The following COP1 variants were observed in gnomAD, a reference collection of about 807,000 sequenced individuals.
COP1 encodes the protein COP1 E3 ubiquitin ligase.
In COP1, 24 loss-of-function variants were observed where a neutral mutation model predicts 101.3. The observed-to-expected ratio is 0.24, with a 90% CI of 0.17 to 0.33. The LOEUF (loss-of-function observed/expected upper bound fraction) is 0.33. Ranked by LOEUF, COP1 falls within the 10% of genes least tolerant of loss-of-function variation. The pLI is 1.00. For missense variants in COP1, 663 were observed against 906.2 expected, an observed-to-expected ratio of 0.73 and a Z score of 3.45; for synonymous variants, 347 against 341.9, an observed-to-expected ratio of 1.01 and a Z score of -0.17.
chr1:176,054,199 AC>A (rs748825814), intron 11 of COP1, among the ~76,000 whole-genome samples: 111 of 146,048 alleles, frequency 7.6e-4, no homozygotes, highest in Non-Finnish European at 1.0e-3. Context: ...TCACTCTGTC[AC>A]CCAGGCTGGG....
In COP1 at chr1:176,046,174, TA is replaced by T; in HGVS notation, c.1421+6del. ...ACTGCATCATGTCAAGAAAATAATG[TA>T]AATACCTGATTTTCGAATTGCAGGT... On this transcript the variant is annotated splice_donor_region_variant and intron_variant, in intron 12 of 19. Coordinates refer to ENST00000367669, the MANE Select transcript of COP1 (RefSeq NM_022457.7). 6.3e-7 allele frequency: 1 copy of T among 1,596,690 alleles called. No homozygotes were observed. Among genetic ancestry groups the T allele is most frequent in the Admixed American group, 1.8e-5 (1 of 55,814 alleles).
At chr1:176,079,830 T>A (rs1398761882) in intron 11 of COP1, among the ~76,000 whole-genome samples, 1 of 152,152 alleles carries the variant, frequency 6.6e-6, no homozygotes, top group East Asian at 1.9e-4. Flanking sequence ...TCTCTCCATT[T>A]TCCTGTATAA....
At chr1:176,206,224 G>A (rs566655348) in intron 1 of COP1, 8 of 285,626 alleles carry the variant, frequency 2.8e-5, no homozygotes, top group Non-Finnish European at 4.6e-5. Flanking sequence ...CATCAGAGAG[G>A]CAAAAATTTT....
At chr1:176,160,343 T>C (rs1694136245) in intron 5 of COP1, 1 of 336,510 alleles carries the variant, frequency 3.0e-6, no homozygotes. Context: ...GCAATATCAT[T>C]CAGGACATAG....
intron 11 of COP1, among the ~76,000 whole-genome samples, chr1:176,068,225 T>TCCTTCTC: frequency 6.6e-6 from 1 of 152,180 alleles, no homozygotes; most frequent in African/African-American, 2.4e-5. Flanking sequence ...CCTTCCTTCT[T>TCCTTCTC]CCTTCTCTCC....
chr1:175,972,211 A>G (rs1571313608), intron 18 of COP1, among the ~76,000 whole-genome samples: 1 of 152,216 alleles, frequency 6.6e-6, no homozygotes, highest in East Asian at 1.9e-4. Context: ...TAGATATTTA[A>G]AATTTTAATT....
At chr1:175,953,296 A>C (rs1390941519) in intron 18 of COP1, among the ~76,000 whole-genome samples, 5 of 152,020 alleles carry the variant, frequency 3.3e-5, no homozygotes, top group Non-Finnish European at 7.4e-5. Flanking sequence ...TACTCAAAAA[A>C]AAGAAAGGAA....
intron 8 of COP1, among the ~76,000 whole-genome samples, chr1:176,119,075 T>C (rs2149614343): frequency 6.6e-6 from 1 of 152,364 alleles, no homozygotes; most frequent in Non-Finnish European, 1.5e-5. Flanking sequence ...TCAAATGTTC[T>C]TGTCATGAGT....
chr1:175,964,275 T>C (rs1651732591), intron 18 of COP1, among the ~76,000 whole-genome samples: 1 of 152,104 alleles, frequency 6.6e-6, no homozygotes, highest in Non-Finnish European at 1.5e-5. Context: ...TCCCACCCTC[T>C]ACCCTTAGAT....
chr1:176,028,622 AAC>A (rs1257920146), intron 14 of COP1, among the ~76,000 whole-genome samples: 5 of 146,120 alleles, frequency 3.4e-5, no homozygotes, highest in African/African-American at 5.0e-5. Flanking sequence ...ACTCAGATGT[AAC>A]ACAGACCCAC....
intron 18 of COP1, among the ~76,000 whole-genome samples, chr1:175,948,852 T>G (rs1183735051): frequency 6.6e-6 from 1 of 152,060 alleles, no homozygotes; most frequent in African/African-American, 2.4e-5. Flanking sequence ...TTCCTTAAAT[T>G]AGCAAATGTT....
At chr1:175,948,545 C>T (rs559631087) in intron 18 of COP1, among the ~76,000 whole-genome samples, 2 of 152,344 alleles carry the variant, frequency 1.3e-5, no homozygotes, top group East Asian at 1.9e-4. Context: ...AAAGTTACTT[C>T]AGCTAAGCTG....
At chr1:175,970,705 T>C (rs1653075963) in intron 18 of COP1, among the ~76,000 whole-genome samples, 1 of 152,186 alleles carries the variant, frequency 6.6e-6, no homozygotes, top group African/African-American at 2.4e-5. Flanking sequence ...AGGGTAAATA[T>C]AATTTTAAAA....
chr1:176,080,605 T>C (rs780539954), intron 11 of COP1, among the ~76,000 whole-genome samples: 9 of 152,138 alleles, frequency 5.9e-5, no homozygotes, highest in Non-Finnish European at 1.0e-4. Context: ...CCAAAGATAT[T>C]AAGAGAATAA....
At chr1:175,948,634 C>T (rs561106893) in intron 18 of COP1, among the ~76,000 whole-genome samples, 1 of 152,300 alleles carries the variant, frequency 6.6e-6, no homozygotes, top group Admixed American at 6.5e-5. Flanking sequence ...TTTTCCCTTT[C>T]ATTTCTAATA....
At chr1:175,951,697 G>A (rs1649945381) in intron 18 of COP1, among the ~76,000 whole-genome samples, 1 of 151,814 alleles carries the variant, frequency 6.6e-6, no homozygotes, top group Non-Finnish European at 1.5e-5. Flanking sequence ...AACAACAGAT[G>A]AGACAAGTGA....
intron 2 of COP1, among the ~76,000 whole-genome samples, chr1:176,179,700 G>A (rs574294802): frequency 6.6e-6 from 1 of 152,218 alleles, no homozygotes; most frequent in Non-Finnish European, 1.5e-5. Context: ...TTGCACCACT[G>A]CACTCCAGCC....
At chr1:176,085,941 T>C (rs1680053114) in intron 9 of COP1, 51 bp from the exon 10 acceptor site, 1 of 942,082 alleles carries the variant, frequency 1.1e-6, no homozygotes, top group African/African-American at 1.6e-5. Flanking sequence ...TACTCTTCTT[T>C]TGCACAGAAT....
At chr1:175,963,020 A>C (rs1230882520) in intron 18 of COP1, among the ~76,000 whole-genome samples, 1 of 152,118 alleles carries the variant, frequency 6.6e-6, no homozygotes, top group African/African-American at 2.4e-5. Flanking sequence ...AAAAACATGA[A>C]TGTTACATGT....
Sources: allele counts gnomAD v4.1 joint callset (sites outside exome capture counted in the v4.1 genomes callset), GRCh38; gene constraint gnomAD v4.1.1; transcripts MANE v1.5; gene names NCBI Gene and HGNC (gene_info 2026-07-23, HGNC 2026-07-21).